The following ROBO2 variants were observed in gnomAD, a reference collection of about 807,000 sequenced individuals.
ROBO2 encodes the protein roundabout homolog 2.
In ROBO2, 53 loss-of-function variants were observed where a neutral mutation model predicts 160.8. The ratio of observed to expected loss-of-function variants is 0.33; its 90% CI spans 0.26 to 0.41. The LOEUF is 0.41. ROBO2 is among the 10% of genes least tolerant of loss of function. The pLI is 1.00. For missense variants in ROBO2, 1,577 were observed against 1,722.4 expected, an observed-to-expected ratio of 0.92 and a Z score of 1.49; for synonymous variants, 664 against 611.7, an observed-to-expected ratio of 1.09 and a Z score of -1.26.
intron 2 of ROBO2, among the ~76,000 whole-genome samples, chr3:75,942,610 C>T (rs1948107216): frequency 1.3e-5 from 2 of 152,106 alleles, no homozygotes; most frequent in South Asian, 2.1e-4. Context: ...ATAAAACCCA[C>T]ATGAATACAC....
chr3:77,546,474 G>A lies in ROBO2; in HGVS notation c.1059+12G>A, dbSNP rs1559586366. On this transcript the variant is annotated intron_variant, in intron 7 of 25. Coordinates refer to ENST00000461745, the Ensembl canonical transcript of ROBO2. Reference sequence around the variant, plus strand: ...AAGAAGGCAGCCAGGTGAGTGTGAGGCTTCACTGCTTTTCTGAAATCTCTG... The same window carrying A: ...AAGAAGGCAGCCAGGTGAGTGTGAGACTTCACTGCTTTTCTGAAATCTCTG... The A allele has an allele frequency of 1.9e-6, 3 of 1,612,764 alleles. No individual in the cohort carries two copies. The highest frequency in any genetic ancestry group is 2.5e-6 in the Non-Finnish European group (3 of 1,179,002).
At chr3:77,003,769 C>T (rs2061443583) in intron 2 of ROBO2, among the ~76,000 whole-genome samples, 1 of 152,044 alleles carries the variant, frequency 6.6e-6, no homozygotes, top group Admixed American at 6.6e-5. Flanking sequence ...AGGCTGGTCT[C>T]GAACTCCTGA....
intron 2 of ROBO2, among the ~76,000 whole-genome samples, chr3:76,943,306 G>A (rs1308227116): frequency 2.0e-5 from 3 of 152,040 alleles, no homozygotes; most frequent in South Asian, 2.1e-4. Flanking sequence ...CATACCACTC[G>A]TTGCTATCTG....
At chr3:76,276,413 G>A (rs541911303) in intron 2 of ROBO2, among the ~76,000 whole-genome samples, 66 of 151,974 alleles carry the variant, frequency 4.3e-4, no homozygotes, top group African/African-American at 1.5e-3. Context: ...TAGCCACTTC[G>A]CTACTTTACT....
intron 2 of ROBO2, among the ~76,000 whole-genome samples, chr3:76,556,192 G>C (rs1273721810): frequency 6.6e-6 from 1 of 152,118 alleles, no homozygotes; most frequent in Middle Eastern, 3.2e-3. Context: ...GGAGATATTA[G>C]TATATCCTAT....
chr3:77,563,138 A>C lies in ROBO2; in HGVS notation c.1520-29A>C, dbSNP rs746791349. On this transcript the variant is annotated intron_variant, in intron 10 of 25. Coordinates refer to ENST00000461745, the Ensembl canonical transcript of ROBO2. The stretch of plus-strand genomic sequence containing the variant: ...GTATTGTCAACTTATGCAATCAGGA[A>C]TGAAGTTTTTTCTGTCTGTCCTCTA... The C allele has an allele frequency of 2.1e-5, 34 of 1,610,948 alleles. 1 individual carries two copies. The highest frequency in any genetic ancestry group is 2.9e-5 in the Non-Finnish European group (34 of 1,178,644).
intron 9 of ROBO2, among the ~76,000 whole-genome samples, chr3:77,559,583 A>C (rs1321698765): frequency 6.6e-6 from 1 of 152,120 alleles, no homozygotes; most frequent in African/African-American, 2.4e-5. Context: ...CAGCATTTAG[A>C]ATCTTCCCAT....
rs151232816 is a variant in ROBO2 at position 76,677,479 on chromosome 3, G to T, written c.110-420535G>T. Reference sequence around the variant, plus strand: ...CACATGATTCTAAAGTATTGTCAAGGCCCAGAACCATTGGTCTAGGTTCTG... The same window carrying T: ...CACATGATTCTAAAGTATTGTCAAGTCCCAGAACCATTGGTCTAGGTTCTG... On this transcript the variant is annotated intron_variant, in intron 2 of 26. Coordinates refer to the ROBO2 transcript ENST00000487694. Among the ~76,000 whole-genome samples the T allele has an allele frequency of 2.4e-3, 366 of 152,118 alleles. 1 individual carries two copies. Among genetic ancestry groups the T allele is most frequent in the African/African-American group, 8.3e-3 (346 of 41,490 alleles).
intron 2 of ROBO2, among the ~76,000 whole-genome samples, chr3:75,977,953 C>G (rs1380302001): frequency 1.3e-5 from 2 of 151,414 alleles, no homozygotes; most frequent in Non-Finnish European, 3.0e-5. Context: ...CTAAAACCAA[C>G]TCAATGGAAA....
intron 2 of ROBO2, among the ~76,000 whole-genome samples, chr3:77,167,088 CTG>C (rs1336285668): frequency 2.0e-5 from 3 of 152,166 alleles, no homozygotes; most frequent in Non-Finnish European, 4.4e-5. Context: ...CTGTGACAAA[CTG>C]TACAAATTTG....
intron 2 of ROBO2, among the ~76,000 whole-genome samples, chr3:77,138,223 A>G (rs2076430310): frequency 6.6e-6 from 1 of 152,200 alleles, no homozygotes; most frequent in African/African-American, 2.4e-5. Flanking sequence ...GAAACCCATC[A>G]CAGTCTATTG....
chr3:76,183,435 T>G (rs191892591), intron 2 of ROBO2, among the ~76,000 whole-genome samples: 2 of 152,284 alleles, frequency 1.3e-5, no homozygotes, highest in Non-Finnish European at 2.9e-5. Flanking sequence ...TCTCTAGCAC[T>G]GCCCAACTGT....
At chr3:77,584,532 C>A (rs182799059) in intron 16 of ROBO2, among the ~76,000 whole-genome samples, 1 of 152,148 alleles carries the variant, frequency 6.6e-6, no homozygotes, top group African/African-American at 2.4e-5. Flanking sequence ...CTAGAGAATT[C>A]TTTCTATTAC....
chr3:77,302,263 A>G (rs2062728012), intron 2 of ROBO2, among the ~76,000 whole-genome samples: 1 of 151,066 alleles, frequency 6.6e-6, no homozygotes, highest in Non-Finnish European at 1.5e-5. Flanking sequence ...TCTCAATAAT[A>G]AAAAAAAAGA....
At chr3:75,912,124 A>G (rs909001525) in intron 1 of ROBO2, among the ~76,000 whole-genome samples, 2 of 152,218 alleles carry the variant, frequency 1.3e-5, no homozygotes, top group Non-Finnish European at 2.9e-5. Context: ...TAATCATTAA[A>G]GTATAGAAAA....
chr3:77,148,142 G>T (rs1281379712), intron 2 of ROBO2, among the ~76,000 whole-genome samples: 3 of 152,190 alleles, frequency 2.0e-5, no homozygotes, highest in African/African-American at 7.2e-5. Flanking sequence ...GGCTGAATTG[G>T]TAAATTTTAA....
chr3:76,528,383 G>T (rs886675763), intron 2 of ROBO2, among the ~76,000 whole-genome samples: 1 of 152,028 alleles, frequency 6.6e-6, no homozygotes, highest in African/African-American at 2.4e-5. Flanking sequence ...GGGTAGAATT[G>T]ATAGTAGTAG....
At chr3:76,562,646 T>C (rs1300110367) in intron 2 of ROBO2, among the ~76,000 whole-genome samples, 1 of 152,200 alleles carries the variant, frequency 6.6e-6, no homozygotes, top group Non-Finnish European at 1.5e-5. Context: ...ATTAAATGGA[T>C]TTCTTTTGTC....
chr3:77,104,240 T>C (rs893161754), intron 2 of ROBO2, among the ~76,000 whole-genome samples: 5 of 152,148 alleles, frequency 3.3e-5, no homozygotes, highest in African/African-American at 1.2e-4. Flanking sequence ...ACCCCAGCCC[T>C]AAGTAAATGC....
Sources: allele counts gnomAD v4.1 joint callset (sites outside exome capture counted in the v4.1 genomes callset), GRCh38; gene constraint gnomAD v4.1.1; transcripts MANE v1.5; gene names NCBI Gene and HGNC (gene_info 2026-07-23, HGNC 2026-07-21).